Variants in KATNAL2 observed in about 807,000 individuals in gnomAD.
KATNAL2 encodes katanin catalytic subunit A1 like 2.
A neutral mutation model predicts 76.3 loss-of-function variants in KATNAL2; 52 were observed. The ratio of observed to expected loss-of-function variants is 0.68; its 90% confidence interval spans 0.55 to 0.86. The LOEUF (loss-of-function observed/expected upper bound fraction) is 0.86, where lower values mean the gene tolerates loss of function less well. KATNAL2 is among the 40% of genes least tolerant of loss of function. The pLI is 0.00. For synonymous variants in KATNAL2, 243 were observed against 244.2 expected, an observed-to-expected ratio of 1.00 and a Z score of 0.05; for missense variants, 660 against 668.9, an observed-to-expected ratio of 0.99 and a Z score of 0.15.
rs763465564 is a variant in KATNAL2, at chr18:47,100,351, A to C, written c.1472A>C (p.Gln491Pro). 1.9e-6 allele frequency: 3 copies of C among 1,612,868 alleles called. No homozygotes were observed. Among genetic ancestry groups the C allele is most frequent in the Non-Finnish European group, 8.5e-7 (1 of 1,178,918 alleles). The change falls in exon 17 of 18, where the codon CAG becomes CCG. Residue 491 changes from glutamine to proline, a missense_variant. Coordinates refer to ENST00000683218, the MANE Select transcript of KATNAL2 (RefSeq NM_001387690.1). ...ATCTTTGATGCACTTGAAAATCACC[A>C]GTCAGGTATGGGTTGGATCACCATG... ...RKIFDALENH[Q>P]SESSDLPRIQ... is the part of the protein sequence containing the mutation.
In KATNAL2 at chr18:47,072,442, T is replaced by C. The variant is rs183659224; in HGVS notation, c.1009-2835T>C. Among the ~76,000 whole-genome samples the C allele has an allele frequency of 1.1e-4, 17 of 152,184 alleles. No homozygotes were observed. In the East Asian group the frequency reaches 3.3e-3, roughly 29 times the overall value. ...CAACTGTTTCTTTTGGGTGTTCTGT[T>C]TCTGTTTTGTTTTGAGGCAGGGTCT... On this transcript the variant is annotated intron_variant, in intron 13 of 17. Coordinates refer to ENST00000683218, the MANE Select transcript of KATNAL2 (RefSeq NM_001387690.1).
chr18:47,036,373 T>C (rs988207738), intron 3 of KATNAL2, among the ~76,000 whole-genome samples: 1 of 152,242 alleles, frequency 6.6e-6, no homozygotes, highest in Non-Finnish European at 1.5e-5. Context: ...TGATCTTGGT[T>C]TGGCCCTTCA....
In KATNAL2 at chr18:47,100,859, A is replaced by C. The variant is rs1050792784; in HGVS notation, c.1478-7A>C. On this transcript the variant is annotated splice_region_variant and splice_polypyrimidine_tract_variant and intron_variant, in intron 17 of 17. Coordinates refer to ENST00000683218, the MANE Select transcript of KATNAL2 (RefSeq NM_001387690.1). ...GTTGTGCTGTTACTGTTGTGTTCTT[A>C]TCCTAGAAAGCAGCGACTTACCCAG... 1 of 1,614,018 alleles carries C rather than the reference A, an allele frequency of 6.2e-7. No homozygotes were observed. The highest frequency in any genetic ancestry group is 1.1e-5 in the South Asian group (1 of 91,082).
intron 1 of KATNAL2, among the ~76,000 whole-genome samples, chr18:46,930,315 A>G (rs1182121259): frequency 6.6e-6 from 1 of 152,134 alleles, no homozygotes; most frequent in African/African-American, 2.4e-5. Context: ...CTTTTTACAT[A>G]TCACTAATAT....
chr18:47,035,872 A>G (rs867925339), intron 3 of KATNAL2, among the ~76,000 whole-genome samples: 2 of 152,236 alleles, frequency 1.3e-5, no homozygotes, highest in African/African-American at 4.8e-5. Context: ...AAAATCATAG[A>G]AAGAAGAACC....
At chr18:47,022,403 T>TGCC in intron 3 of KATNAL2, 5 of 158,072 alleles carry the variant, frequency 3.2e-5, no homozygotes, top group Non-Finnish European at 4.9e-5. Flanking sequence ...CGGTTGCTGC[T>TGCC]GCCGCCGCCG....
chr18:47,033,641 C>T (rs559315153), intron 3 of KATNAL2: 3 of 1,614,078 alleles, frequency 1.9e-6, no homozygotes, highest in Non-Finnish European at 2.5e-6. Context: ...CTGAGGGCGT[C>T]CGGATTGTTT....
intron 2 of KATNAL2, 59 bp from the exon 3 acceptor site, chr18:46,946,795 T>C: frequency 7.0e-7 from 1 of 1,426,236 alleles, no homozygotes. Context: ...TGGTTAAGCG[T>C]CAGGTTCCTT....
rs1454313934 is a variant in KATNAL2, at chr18:47,053,020, A to G, written c.263A>G (p.Lys88Arg). 5 of 1,606,172 alleles carry G rather than the reference A, an allele frequency of 3.1e-6. No individual in the cohort carries two copies. The highest frequency in any genetic ancestry group is 2.2e-5 in the East Asian group (1 of 44,758). The change falls in exon 5 of 18, where the codon AAA becomes AGA. Residue 88 changes from lysine to arginine, a missense_variant. Coordinates refer to ENST00000683218, the MANE Select transcript of KATNAL2 (RefSeq NM_001387690.1). ...TTTGTAAAATTTCAGAAATACCCCA[A>G]AATTGTCAAAAAGTCATCAGACACA... ...YYFVKFQKYP[K>R]IVKKSSDTAE...
At chr18:47,084,533 C>G (rs886439704) in intron 15 of KATNAL2, 4 of 620,834 alleles carry the variant, frequency 6.4e-6, no homozygotes, top group African/African-American at 3.7e-5. Flanking sequence ...TTTCCCCCAG[C>G]AGGGTTGCTC....
chr18:46,938,256 T>C (rs1163067869), intron 1 of KATNAL2, among the ~76,000 whole-genome samples: 2 of 152,226 alleles, frequency 1.3e-5, no homozygotes, highest in African/African-American at 4.8e-5. Flanking sequence ...ATAAATGCTA[T>C]ATATTCATGG....
At chr18:47,056,586 C>A (rs1382798876) in intron 6 of KATNAL2, among the ~76,000 whole-genome samples, 1 of 152,198 alleles carries the variant, frequency 6.6e-6, no homozygotes, top group Non-Finnish European at 1.5e-5. Context: ...TGGTTAAAGT[C>A]AAAGCAGAGT....
At chr18:47,034,201 T>G (rs779009856) in intron 3 of KATNAL2, 2 of 1,613,830 alleles carry the variant, frequency 1.2e-6, no homozygotes, top group Admixed American at 1.7e-5. Context: ...TCTGTCCAAA[T>G]GAGCAGTCGG....
chr18:47,083,266 C>T (rs941705272), intron 15 of KATNAL2, among the ~76,000 whole-genome samples: 3 of 152,188 alleles, frequency 2.0e-5, no homozygotes, highest in African/African-American at 7.2e-5. Flanking sequence ...AATGTGGGAA[C>T]AGATCTTTCT....
chr18:46,944,284 G>A (rs552324945), intron 1 of KATNAL2, among the ~76,000 whole-genome samples: 1 of 152,202 alleles, frequency 6.6e-6, no homozygotes, highest in African/African-American at 2.4e-5. Flanking sequence ...CCATGGGTTT[G>A]GCATCTGGGG....
chr18:47,093,222 T>C (rs1020672248), intron 15 of KATNAL2, among the ~76,000 whole-genome samples: 1 of 152,320 alleles, frequency 6.6e-6, no homozygotes, highest in East Asian at 1.9e-4. Flanking sequence ...CACAGGGTTG[T>C]TGTGAGAATT....
chr18:47,099,687 C>T (rs986317551), intron 16 of KATNAL2, among the ~76,000 whole-genome samples: 8 of 152,052 alleles, frequency 5.3e-5, no homozygotes, highest in African/African-American at 1.9e-4. Context: ...TGTGTGACCT[C>T]GGAGAAGTCA....
At chr18:47,032,244 T>A (rs1036990959) in intron 3 of KATNAL2, among the ~76,000 whole-genome samples, 1 of 152,270 alleles carries the variant, frequency 6.6e-6, no homozygotes, top group Non-Finnish European at 1.5e-5. Flanking sequence ...TCCTTTTTTC[T>A]AAGAAATAGC....
chr18:46,923,835 G>A (rs977695663), intron 1 of KATNAL2, among the ~76,000 whole-genome samples: 3 of 152,194 alleles, frequency 2.0e-5, no homozygotes, highest in Non-Finnish European at 2.9e-5. Flanking sequence ...GTGATGATGA[G>A]CATTTTTTCA....
Sources: allele counts gnomAD v4.1 joint callset (sites outside exome capture counted in the v4.1 genomes callset), GRCh38; gene constraint gnomAD v4.1.1; transcripts MANE v1.5; gene names NCBI Gene and HGNC (gene_info 2026-07-23, HGNC 2026-07-21).